PACS1: variants seen among roughly 807,000 people sequenced by gnomAD.
PACS1 encodes the protein PACS-1.
In PACS1, 24 loss-of-function variants were observed where a neutral mutation model predicts 115.0. The observed-to-expected ratio is 0.21, with a 90% confidence interval of 0.15 to 0.29. The LOEUF is 0.29. Among genes scored for constraint, PACS1 ranks in the 10% least tolerant of loss-of-function variants. The probability of loss-of-function intolerance (pLI) is 1.00; values close to 1 mark genes in which losing one functional copy is unlikely to be tolerated. For synonymous variants in PACS1, 453 were observed against 504.5 expected, an observed-to-expected ratio of 0.90 and a Z score of 1.37; for missense variants, 838 against 1,251.2, an observed-to-expected ratio of 0.67 and a Z score of 4.98.
intron 11 of PACS1, chr11:66,230,342 T>C: frequency 1.7e-6 from 1 of 577,036 alleles, no homozygotes; most frequent in Non-Finnish European, 3.1e-6. Context: ...CAGCATATGG[T>C]GCCCACACGG....
Position 66,230,853 on chromosome 11 carries a change from G to C in PACS1, c.1539G>C (p.Leu513=). 1 of 1,614,208 alleles carries C rather than the reference G, an allele frequency of 6.2e-7. No homozygotes were observed. Among genetic ancestry groups the C allele is most frequent in the Non-Finnish European group, 8.5e-7 (1 of 1,180,006 alleles). Residue 513 remains leucine, a synonymous_variant, in exon 13 of 24, where the codon CTG becomes CTC. Transcript: ENST00000320580. The part of the protein sequence containing the change: ...HTPRQKRSTP[L]KERQLSKPLS... ...CCCGGCAGAAGAGGAGCACGCCCCT[G>C]AAGGAGCGGCAGCTCTCCAAGCCCC...
At chr11:66,155,245 A>G (rs1859324521) in intron 1 of PACS1, among the ~76,000 whole-genome samples, 1 of 152,248 alleles carries the variant, frequency 6.6e-6, no homozygotes, top group Admixed American at 6.5e-5. Context: ...GTAGGATACA[A>G]AAAGCACATA....
intron 1 of PACS1, among the ~76,000 whole-genome samples, chr11:66,174,155 A>G (rs191167751): frequency 3.7e-4 from 57 of 152,372 alleles, no homozygotes; most frequent in Non-Finnish European, 7.1e-4. Context: ...GAGAAAGGCA[A>G]ATTAGTCACG....
intron 1 of PACS1, among the ~76,000 whole-genome samples, chr11:66,071,148 A>C (rs1212308541): frequency 6.6e-6 from 1 of 152,054 alleles, no homozygotes; most frequent in East Asian, 1.9e-4. Context: ...AGTTTCCCTG[A>C]GTAAGTCACT....
In PACS1 at chr11:66,092,372, G is replaced by T. The variant is rs867165498; in HGVS notation, c.356+21530G>T. ...TCGCCCACTTTTTGATGGGGTTGTT[G>T]GTTTTTTTCTTGTAAATTTGTTTGA... is the stretch of plus-strand genomic sequence containing the variant. On this transcript the variant is annotated intron_variant, in intron 1 of 23. Transcript: ENST00000320580. Among the ~76,000 whole-genome samples, 905 of 151,626 alleles carry T rather than the reference G, an allele frequency of 6.0e-3. 9 individuals are homozygous for T. The highest frequency in any genetic ancestry group is 0.02 in the African/African-American group (837 of 41,036).
chr11:66,231,018 G>A, intron 13 of PACS1, 78 bp downstream of exon 13: 1 of 1,552,814 alleles, frequency 6.4e-7, no homozygotes, highest in East Asian at 2.2e-5. Flanking sequence ...TGGCTTCCTT[G>A]GACAGTTAGT....
intron 1 of PACS1, among the ~76,000 whole-genome samples, chr11:66,184,267 C>T (rs542611156): frequency 1.5e-5 from 2 of 134,824 alleles, no homozygotes; most frequent in East Asian, 4.4e-4. Context: ...GAGCCGAGAT[C>T]GCACCACTGC....
At chr11:66,231,342 G>A (rs1405696699) in intron 13 of PACS1, among the ~76,000 whole-genome samples, 1 of 152,236 alleles carries the variant, frequency 6.6e-6, no homozygotes, top group Non-Finnish European at 1.5e-5. Flanking sequence ...CCCAACCTGA[G>A]TATTGCTGTG....
Position 66,200,490 on chromosome 11 carries a change from GAGT to G in PACS1, c.444+6920_444+6922del, listed in dbSNP as rs1345603037. 4.0e-5 allele frequency among the ~76,000 whole-genome samples: 6 copies of G among 150,028 alleles called. No individual in the cohort carries two copies. The South Asian group carries it at 1.3e-3, about 31-fold the overall frequency. ...AAATGGAAACAAACAAAAAAAAAAA[GAGT>G]AGGAATAGCTATACTTATATCAGAC... On this transcript the variant is annotated intron_variant, in intron 2 of 23. Transcript: ENST00000320580.
intron 1 of PACS1, among the ~76,000 whole-genome samples, chr11:66,157,298 C>T (rs1859384400): frequency 6.6e-6 from 1 of 152,144 alleles, no homozygotes; most frequent in Admixed American, 6.5e-5. Flanking sequence ...GAATTTTTCC[C>T]TACAAAATTT....
chr11:66,131,752 A>T (rs1235437348), intron 1 of PACS1, among the ~76,000 whole-genome samples: 4 of 150,270 alleles, frequency 2.7e-5, no homozygotes, highest in Admixed American at 6.7e-5. Flanking sequence ...ACATAGCAAG[A>T]CTCCATCTCT....
intron 2 of PACS1, among the ~76,000 whole-genome samples, chr11:66,199,213 G>A (rs773379558): frequency 7.2e-5 from 11 of 151,822 alleles, no homozygotes. Context: ...TACTTGGGAG[G>A]CTAAGGCAGG....
chr11:66,186,112 T>A (rs573245341), intron 1 of PACS1, among the ~76,000 whole-genome samples: 74 of 150,532 alleles, frequency 4.9e-4, no homozygotes, highest in African/African-American at 1.3e-3. Context: ...GCAAAAAAAA[T>A]TTTTTTTTTC....
rs189256905 is a variant in PACS1 at position 66,102,810 on chromosome 11, A to T, written c.356+31968A>T. ...GAACCTCGGAGTGAGATGACCTGTGAGTTTTATTTATTTTTATTTATTTCA... is the reference window on the plus strand; with the variant it reads ...GAACCTCGGAGTGAGATGACCTGTGTGTTTTATTTATTTTTATTTATTTCA... On this transcript the variant is annotated intron_variant, in intron 1 of 23. Transcript: ENST00000320580. Among the ~76,000 whole-genome samples, 737 of 151,930 alleles carry T rather than the reference A, an allele frequency of 4.9e-3. 9 individuals are homozygous for T. The highest frequency in any genetic ancestry group is 0.015 in the African/African-American group (608 of 41,466).
chr11:66,079,310 T>TTTG (rs1377161604), intron 1 of PACS1, among the ~76,000 whole-genome samples: 7 of 148,974 alleles, frequency 4.7e-5, no homozygotes, highest in Non-Finnish European at 1.0e-4. Flanking sequence ...CAGGTTTTTT[T>TTTG]TTTTTTTTTT....
At chr11:66,219,416 T>C (rs1855288668) in intron 7 of PACS1, 2 of 442,728 alleles carry the variant, frequency 4.5e-6, no homozygotes, top group Non-Finnish European at 8.6e-6. Context: ...CATGCGCAGG[T>C]AGGAGTCAGC....
chr11:66,189,267 T>A (rs190439516), intron 1 of PACS1, among the ~76,000 whole-genome samples: 9 of 152,314 alleles, frequency 5.9e-5, no homozygotes, highest in African/African-American at 2.2e-4. Context: ...GGTTTCAAAA[T>A]CAGTGTGTTG....
intron 10 of PACS1, among the ~76,000 whole-genome samples, chr11:66,226,647 T>A (rs754302147): frequency 6.6e-6 from 1 of 152,176 alleles, no homozygotes; most frequent in East Asian, 1.9e-4. Context: ...ACCCTGAACT[T>A]ACTAGCCTGA....
intron 11 of PACS1, among the ~76,000 whole-genome samples, chr11:66,229,680 AAAAT>A (rs1236924951): frequency 2.6e-5 from 4 of 152,018 alleles, no homozygotes; most frequent in African/African-American, 7.2e-5. Context: ...CTCCGTCTCA[AAAAT>A]AAATAAATAA....
Sources: allele counts gnomAD v4.1 joint callset (sites outside exome capture counted in the v4.1 genomes callset), GRCh38; gene constraint gnomAD v4.1.1; transcripts MANE v1.5; gene names NCBI Gene and HGNC (gene_info 2026-07-23, HGNC 2026-07-21).